PRKRIP1: variants seen among roughly 807,000 people sequenced by gnomAD.
PRKRIP1 encodes the protein PRKR-interacting protein 1.
A neutral mutation model predicts 29.3 loss-of-function variants in PRKRIP1; 29 were observed. The observed-to-expected ratio is 0.99, with a 90% CI of 0.74 to 1.35. The LOEUF is 1.35. Ranked by LOEUF, PRKRIP1 falls within the 40% of genes most tolerant of loss-of-function variation. The pLI is 0.00. For missense variants in PRKRIP1, 247 were observed against 236.8 expected (o/e 1.04, Z -0.28); for synonymous variants, 90 against 85.1 (o/e 1.06, Z -0.32).
intron 4 of PRKRIP1, among the ~76,000 whole-genome samples, chr7:102,406,435 C>T (rs782581933): frequency 1.4e-4 from 21 of 152,206 alleles, no homozygotes; most frequent in Middle Eastern, 3.4e-3. Context: ...TAAGAGAAGA[C>T]GGCACTTCAA....
chr7:102,424,773 C>T (rs1796790613), intron 5 of PRKRIP1, among the ~76,000 whole-genome samples: 1 of 152,084 alleles, frequency 6.6e-6, no homozygotes, highest in Admixed American at 6.6e-5. Flanking sequence ...TTGCGTGTGC[C>T]TCTGGGCCTT....
rs1563623632 is a variant in PRKRIP1 at position 102,419,892 on chromosome 7, TG to T, written c.458-5121del. ...GTGTGTGTGTGTGTGTGTGTGTGTGTGTGTTTTTGAGATGGAGTCTCTCTGT... is the reference window on the plus strand; with the variant it reads ...GTGTGTGTGTGTGTGTGTGTGTGTGTTGTTTTTGAGATGGAGTCTCTCTGT... On this transcript the variant is annotated intron_variant, in intron 5 of 5. Transcript: ENST00000397912. Among the ~76,000 whole-genome samples the T allele has an allele frequency of 1.2e-3, 158 of 132,574 alleles. 1 individual carries two copies. The highest frequency in any genetic ancestry group is 4.1e-3 in the African/African-American group (145 of 35,162). The allele number at this position is 132,574 out of a possible 152,430, so 87.0% of individuals were successfully genotyped here. A position where few individuals can be genotyped will look rare whatever the true frequency, so the allele number is the denominator to read the frequency against.
At chr7:102,407,801 C>T (rs1233640607) in intron 5 of PRKRIP1, among the ~76,000 whole-genome samples, 1 of 152,158 alleles carries the variant, frequency 6.6e-6, no homozygotes, top group Non-Finnish European at 1.5e-5. Context: ...GATGTCCTGT[C>T]CTCAGGCTCA....
chr7:102,399,032 G>T (rs782675497), intron 2 of PRKRIP1, among the ~76,000 whole-genome samples: 1 of 152,170 alleles, frequency 6.6e-6, no homozygotes, highest in Non-Finnish European at 1.5e-5. Flanking sequence ...TGAGGCAGGA[G>T]GATGGCTTGA....
At chr7:102,398,617 G>T (rs1195927531) in intron 2 of PRKRIP1, among the ~76,000 whole-genome samples, 4 of 151,996 alleles carry the variant, frequency 2.6e-5, no homozygotes, top group South Asian at 2.1e-4. Flanking sequence ...ACGCATTGTG[G>T]TTTTTTTGTA....
At chr7:102,423,082 A>T (rs782325484) in intron 5 of PRKRIP1, 1 of 446,138 alleles carries the variant, frequency 2.2e-6, no homozygotes. Context: ...CGAGTATTGT[A>T]TTCATCAGAA....
intron 4 of PRKRIP1, among the ~76,000 whole-genome samples, chr7:102,407,196 C>G (rs1206775264): frequency 6.8e-6 from 1 of 147,890 alleles, no homozygotes; most frequent in Non-Finnish European, 1.5e-5. Context: ...GCCTGGGTGA[C>G]AGAGTGAGAG....
chr7:102,424,872 T>A, intron 5 of PRKRIP1, 142 bp from the exon 6 acceptor site: 1 of 753,122 alleles, frequency 1.3e-6, no homozygotes, highest in Non-Finnish European at 2.1e-6. Flanking sequence ...AGAGGACTGG[T>A]GGACGTGAGG....
At chr7:102,406,500 TTC>T (rs1796226537) in intron 4 of PRKRIP1, among the ~76,000 whole-genome samples, 1 of 152,204 alleles carries the variant, frequency 6.6e-6, no homozygotes, top group African/African-American at 2.4e-5. Context: ...TTACCGAGCT[TTC>T]TCACCTTTCC....
At chr7:102,421,965 A>G (rs1354407153) in intron 5 of PRKRIP1, among the ~76,000 whole-genome samples, 1 of 152,076 alleles carries the variant, frequency 6.6e-6, no homozygotes, top group African/African-American at 2.4e-5. Context: ...ATGGCCCGTC[A>G]TATTTATTAC....
chr7:102,399,737 G>C, intron 3 of PRKRIP1, 89 bp downstream of exon 3: 2 of 1,068,714 alleles, frequency 1.9e-6, no homozygotes, highest in Non-Finnish European at 1.4e-6. Context: ...GAGGCTGGGC[G>C]TGGTGGCTCA....
At chr7:102,411,559 A>G (rs1796383429) in intron 5 of PRKRIP1, among the ~76,000 whole-genome samples, 4 of 151,648 alleles carry the variant, frequency 2.6e-5, no homozygotes, top group Admixed American at 2.6e-4. Context: ...TAATTTTTAT[A>G]TTTTTAGTAG....
Position 102,411,643 on chromosome 7 carries a change from C to G in PRKRIP1, c.457+4145C>G, listed in dbSNP as rs575738999. 1.2e-3 allele frequency among the ~76,000 whole-genome samples: 186 copies of G among 151,678 alleles called. 1 individual carries two copies. The highest frequency in any genetic ancestry group is 2.5e-3 in the Admixed American group (38 of 15,256). On this transcript the variant is annotated intron_variant, in intron 5 of 5. Coordinates refer to ENST00000397912, the MANE Select transcript of PRKRIP1 (RefSeq NM_024653.4). ...AAGGTGATCCGCCCACCTCAGCCTC[C>G]CAAAGTGCTGGGATTACAGGTGTGA...
chr7:102,415,710 A>G (rs1260703524), intron 5 of PRKRIP1, among the ~76,000 whole-genome samples: 2 of 152,152 alleles, frequency 1.3e-5, no homozygotes, highest in Non-Finnish European at 2.9e-5. Context: ...TGTTATCCCC[A>G]TTTTACTAAT....
At chr7:102,400,001 C>CA (rs782496537) in intron 3 of PRKRIP1, among the ~76,000 whole-genome samples, 438 of 72,070 alleles carry the variant, frequency 6.1e-3, no homozygotes, top group Middle Eastern at 0.011. Flanking sequence ...AACTCCATCT[C>CA]AAAAAAAAAA....
intron 5 of PRKRIP1, among the ~76,000 whole-genome samples, chr7:102,414,145 T>C (rs550527669): frequency 1.3e-5 from 2 of 152,220 alleles, no homozygotes; most frequent in Admixed American, 1.3e-4. Flanking sequence ...GAGAATCACT[T>C]GAACCCAGGA....
In PRKRIP1 at chr7:102,397,635, A is replaced by T. The variant is rs1554570581; in HGVS notation, c.142A>T (p.Ile48Phe). 6.2e-7 allele frequency: 1 copy of T among 1,613,972 alleles called. No homozygotes were observed. The highest frequency in any genetic ancestry group is 8.5e-7 in the Non-Finnish European group (1 of 1,179,948). ...LMKNPDKAVPIPEKMSEWAPR... is the reference protein window; with the variant it reads ...LMKNPDKAVPFPEKMSEWAPR... ...AATGTTGCAGGACAAAGCAGTTCCA[A>T]TTCCAGAGAAAATGAGTGAATGGGC... The change falls in exon 2 of 6, where the codon ATT (isoleucine) becomes TTT (phenylalanine). Residue 48 changes from isoleucine (I) to phenylalanine (F), a missense_variant. Transcript: ENST00000397912.
chr7:102,420,349 G>T (rs564558638), intron 5 of PRKRIP1, among the ~76,000 whole-genome samples: 1 of 152,194 alleles, frequency 6.6e-6, no homozygotes. Context: ...CACCAGCAAC[G>T]ATAGTTTCTC....
At chr7:102,409,847 A>AT (rs1796332956) in intron 5 of PRKRIP1, among the ~76,000 whole-genome samples, 1 of 152,074 alleles carries the variant, frequency 6.6e-6, no homozygotes, top group African/African-American at 2.4e-5. Flanking sequence ...TAATAATAAT[A>AT]GATCTCCTTT....
Sources: gnomAD v4.1 joint callset for allele counts (sites outside exome capture counted in the v4.1 genomes callset) on GRCh38, gnomAD v4.1.1 for gene constraint, MANE v1.5 for transcripts, NCBI Gene and HGNC (gene_info 2026-07-23, HGNC 2026-07-21) for gene names.